CFAP65: variants seen among roughly 807,000 people sequenced by gnomAD.
The protein encoded by CFAP65 is cilia and flagella associated protein 65.
In CFAP65, 155 loss-of-function variants were observed where a neutral mutation model predicts 208.0. The ratio of observed to expected loss-of-function variants is 0.75; its 90% CI spans 0.65 to 0.85. The LOEUF is 0.85. Ranked by LOEUF, CFAP65 falls within the 40% of genes least tolerant of loss-of-function variation. The pLI is 0.00. For missense variants in CFAP65, 2,294 were observed against 2,451.3 expected (o/e 0.94, Z 1.36); for synonymous variants, 970 against 986.3 (o/e 0.98, Z 0.31).
intron 5 of CFAP65, 87 bp downstream of exon 5, chr2:219,035,393 T>TG (rs1240199012): frequency 3.2e-5 from 52 of 1,611,168 alleles, no homozygotes; most frequent in Non-Finnish European, 4.4e-5. Flanking sequence ...TAAAGGTTTT[T>TG]TTTGTTTGTT....
In CFAP65 at chr2:219,035,721, G is replaced by A. The variant is rs200210507; in HGVS notation, c.358-57C>T. 1,141 of 1,542,734 alleles carry A rather than the reference G, an allele frequency of 7.4e-4. 1 individual carries two copies. The highest frequency in any genetic ancestry group is 9.0e-4 in the South Asian group (71 of 78,818). ...AAAGGATGTATCAGCAGGGTGGGAT[G>A]CCAAGACCCAGAGAACAGGTGAAGG... On this transcript the variant is annotated intron_variant, in intron 4 of 34. Coordinates refer to ENST00000341552, the MANE Select transcript of CFAP65 (RefSeq NM_194302.4).
intron 9 of CFAP65, 92 bp from the exon 10 acceptor site, chr2:219,030,300 C>A: frequency 7.4e-7 from 1 of 1,347,848 alleles, no homozygotes; most frequent in Non-Finnish European, 1.0e-6. Flanking sequence ...CGTGCCTAGC[C>A]AAGGGGGTGG....
In CFAP65 at chr2:219,026,086, C is replaced by G. The variant is rs144802906; in HGVS notation, c.2285G>C (p.Arg762Pro). Reference protein sequence around the residue: ...CPSWCLTVRARGHSYFAGFEH... With the variant: ...CPSWCLTVRAPGHSYFAGFEH... ...AAAGCCAGCGAAATAGCTGTGGCCT[C>G]GTGCCCGCACCGTCAGGCACCAGGA... The change falls in exon 14 of 35, where the codon CGA becomes CCA. Residue 762 changes from arginine (R) to proline (P), a missense_variant. By Grantham distance (103) the Arg-to-Pro change is moderately radical. Coordinates refer to ENST00000341552, the MANE Select transcript of CFAP65 (RefSeq NM_194302.4). The G allele has an allele frequency of 1.2e-6, 2 of 1,614,110 alleles. No homozygotes were observed. The highest frequency in any genetic ancestry group is 1.7e-6 in the Non-Finnish European group (2 of 1,180,004).
Position 219,031,518 on chromosome 2 carries a change from A to G in CFAP65, c.786T>C (p.Thr262=). ...CATTATCCAGGCAGAAAAAGGCCTC[A>G]GTCGTATCTCCCACAGCACACATGG... ...QLPMCAVGDT[T]EAFFCLDNVG... The change falls in exon 7 of 35, where the codon ACT becomes ACC. Residue 262 remains threonine, a synonymous_variant. Coordinates refer to ENST00000341552, the MANE Select transcript of CFAP65 (RefSeq NM_194302.4). This position sits in a 1 kb window ranked among gnomAD's most constrained non-coding sequence, Gnocchi z 5.2. 6.2e-7 allele frequency: 1 copy of G among 1,614,184 alleles called. No individual in the cohort carries two copies. Among genetic ancestry groups the G allele is most frequent in the Non-Finnish European group, 8.5e-7 (1 of 1,180,020 alleles).
chr2:219,036,466 T>C (rs2106264551), intron 4 of CFAP65, among the ~76,000 whole-genome samples: 1 of 151,556 alleles, frequency 6.6e-6, no homozygotes, highest in African/African-American at 2.4e-5. Context: ...TTTTTAATTG[T>C]AAGAGTCTCG....
In CFAP65 at chr2:219,032,402, C is replaced by T; in HGVS notation, c.645+68G>A. 1 of 1,413,532 alleles carries T rather than the reference C, an allele frequency of 7.1e-7. No individual in the cohort carries two copies. Among genetic ancestry groups the T allele is most frequent in the Non-Finnish European group, 9.7e-7 (1 of 1,033,552 alleles). The allele number at this position is 1,413,532 out of a possible 1,614,324, so 87.6% of individuals were successfully genotyped here. ...CCGGGGCGCTCCTGGTTGCTCTGTC[C>T]TGTTTTCTGTTCTGAGGTCACTGCT... On this transcript the variant is annotated intron_variant, in intron 6 of 34. Coordinates refer to ENST00000341552, the MANE Select transcript of CFAP65 (RefSeq NM_194302.4). The surrounding 1 kb of genome is among the most constrained non-coding windows in gnomAD (Gnocchi z 5.5).
intron 21 of CFAP65, chr2:219,015,576 A>T (rs1216590878): frequency 6.6e-6 from 1 of 152,274 alleles, no homozygotes; most frequent in Non-Finnish European, 1.5e-5. Context: ...GAACAGACTC[A>T]AACATAGGTG....
intron 11 of CFAP65, among the ~76,000 whole-genome samples, chr2:219,029,102 C>A (rs1947845605): frequency 6.6e-6 from 1 of 152,198 alleles, no homozygotes; most frequent in African/African-American, 2.4e-5. Context: ...GCAAAGCCTG[C>A]AGGGCTCAGC....
chr2:219,006,024 T>A lies in CFAP65; in HGVS notation c.4919A>T (p.His1640Leu). ...FFSEFPCHFL[H>L]RELPKRKAPR... ...CCCTGCCTTCCCAAGAGCTTACCGG[T>A]GCAAAAAGTGGCAGGGAAACTCTGA... Residue 1640 changes from histidine (H) to leucine (L), a missense_variant, in exon 31 of 35, where the codon CAC (histidine) becomes CTC (leucine). Transcript: ENST00000341552. 1 of 1,613,210 alleles carries A rather than the reference T, an allele frequency of 6.2e-7. No individual in the cohort carries two copies. The highest frequency in any genetic ancestry group is 8.5e-7 in the Non-Finnish European group (1 of 1,179,976).
chr2:219,022,419 C>T (rs1947328710), intron 16 of CFAP65, 90 bp from the exon 17 acceptor site: 1 of 1,421,274 alleles, frequency 7.0e-7, no homozygotes, highest in Non-Finnish European at 9.7e-7. Context: ...GGGCGTCATG[C>T]TACGTTAGCC....
Position 219,039,022 on chromosome 2 carries a change from C to T in CFAP65, c.27G>A (p.Leu9=), listed in dbSNP as rs571310466. 3.7e-6 allele frequency: 6 copies of T among 1,611,346 alleles called. No individual in the cohort carries two copies. In the East Asian group the frequency reaches 1.3e-4, roughly 36 times the overall value. MFTLTGCR[L]VEKTQKVENP... is the part of the protein sequence containing the mutation. ...TCTCCACCTTCTGGGTTTTCTCCAC[C>T]AGTCTACAACCGGTTAAGGTAAACA... Residue 9 remains leucine, a synonymous_variant, in exon 3 of 35, where the codon CTG becomes CTA. Transcript: ENST00000341552.
intron 29 of CFAP65, 95 bp from the exon 30 acceptor site, chr2:219,006,604 C>T (rs923085075): frequency 3.7e-5 from 45 of 1,216,180 alleles, no homozygotes; most frequent in East Asian, 1.2e-4. Context: ...AAGGCCAAGG[C>T]GGGCGGATCA....
intron 21 of CFAP65, among the ~76,000 whole-genome samples, chr2:219,015,956 A>G (rs1016759052): frequency 4.0e-5 from 6 of 150,828 alleles, no homozygotes; most frequent in Admixed American, 3.9e-4. Context: ...AGTAACAGAT[A>G]TAGTATTGGG....
chr2:219,013,322 G>A lies in CFAP65; in HGVS notation c.3894C>T (p.His1298=), dbSNP rs1371226273. The change falls in exon 24 of 35, where the codon CAC becomes CAT. Residue 1298 remains histidine, a synonymous_variant. Transcript: ENST00000341552. The part of the protein sequence containing the change: ...VTVKPEQKYV[H]FTSTTHQFIP... ...TGAACTGGTGGGTAGTAGAGGTGAA[G>A]TGCACATACTTCTGCTCCGGCTTCA... The A allele has an allele frequency of 1.9e-6, 3 of 1,614,072 alleles. No individual in the cohort carries two copies. Among genetic ancestry groups the A allele is most frequent in the African/African-American group, 1.3e-5 (1 of 75,040 alleles).
intron 11 of CFAP65, 74 bp downstream of exon 11, chr2:219,029,329 C>G (rs1947859401): frequency 9.7e-6 from 15 of 1,543,724 alleles, no homozygotes; most frequent in Non-Finnish European, 1.2e-5. Context: ...GAAGTGCCCA[C>G]CAAGCCTTGT....
chr2:219,013,636 G>A, intron 22 of CFAP65, 51 bp from the exon 23 acceptor site: 1 of 1,500,132 alleles, frequency 6.7e-7, no homozygotes, highest in Non-Finnish European at 9.2e-7. Context: ...CCTGGTACAA[G>A]TAGGAGAGCA....
rs780127864 is a variant in CFAP65 at position 219,027,990 on chromosome 2, G to A, written c.1871C>T (p.Ala624Val). ...IPIQDLEDMPAPQYPYIPPMT... is the reference protein window; with the variant it reads ...IPIQDLEDMPVPQYPYIPPMT... ...GGGGGGGATATAAGGGTACTGCGGG[G>A]CCGGCATGTCCTCCAGATCCTGCAT... is the stretch of plus-strand genomic sequence containing the variant. Residue 624 changes from alanine to valine, a missense_variant, in exon 13 of 35, where the codon GCC becomes GTC. Ala to Val is a moderately conservative substitution (Grantham distance 64, BLOSUM62 0). This residue lies in a region of CFAP65 where 867 missense variants were observed against 1,012.6 expected (regional missense o/e 0.86). Transcript: ENST00000341552. 3.4e-5 allele frequency: 51 copies of A among 1,517,646 alleles called. No homozygotes were observed. In the South Asian group the frequency reaches 6.5e-4, roughly 19 times the overall value. 94.0% of individuals were successfully genotyped at this position (1,517,646 alleles called of 1,614,324 possible).
intron 14 of CFAP65, 99 bp from the exon 15 acceptor site, chr2:219,024,359 G>A: frequency 6.9e-7 from 1 of 1,449,096 alleles, no homozygotes; most frequent in Non-Finnish European, 9.3e-7. Flanking sequence ...CTGTCTCCAA[G>A]TAGATCAGAG....
chr2:219,009,018 G>A (rs992446417), intron 29 of CFAP65, 29 bp downstream of exon 29: 1 of 1,566,136 alleles, frequency 6.4e-7, no homozygotes, highest in East Asian at 2.2e-5. Flanking sequence ...AAAGATCTGG[G>A]TGTTTGAGAT....
Sources: allele counts gnomAD v4.1 joint callset (sites outside exome capture counted in the v4.1 genomes callset), GRCh38; gene constraint gnomAD v4.1.1; regional missense constraint gnomAD v4.1.1; non-coding constraint Gnocchi (gnomAD v3.1); transcripts MANE v1.5; gene names NCBI Gene and HGNC (gene_info 2026-07-23, HGNC 2026-07-21).